Variants in RGS6 observed in about 807,000 individuals in gnomAD.
RGS6 encodes the protein regulator of G-protein signaling 6.
Under a neutral mutation model 78.5 loss-of-function variants are expected in RGS6, and 30 were observed. That is an observed-to-expected ratio of 0.38 (90% CI 0.29 to 0.52). The LOEUF is 0.52. Ranked by LOEUF, RGS6 falls within the 20% of genes least tolerant of loss-of-function variation. RGS6 has a pLI of 0.85. For synonymous variants in RGS6, 206 were observed against 206.0 expected (o/e 1.00, Z 0.00); for missense variants, 495 against 609.7 (o/e 0.81, Z 1.98).
At chr14:71,918,068 C>A in the RGS6 span, among the ~76,000 whole-genome samples, 34 of 151,622 alleles carry the variant, frequency 2.2e-4, no homozygotes, top group Non-Finnish European at 4.6e-4. Flanking sequence ...GTAGTCCCAG[C>A]TACTCGGGAG....
At chr14:71,886,760 G>T in the RGS6 span, among the ~76,000 whole-genome samples, 2 of 152,204 alleles carry the variant, frequency 1.3e-5, no homozygotes, top group Non-Finnish European at 2.9e-5. Flanking sequence ...AGTTTTGAAA[G>T]AAATCCAGGG....
At chr14:71,949,862 T>A (rs2092100716) in intron 1 of RGS6, among the ~76,000 whole-genome samples, 1 of 151,850 alleles carries the variant, frequency 6.6e-6, no homozygotes, top group Admixed American at 6.6e-5. Flanking sequence ...TGTGGTGTGA[T>A]AAAGGCATCC....
chr14:72,121,797 T>C (rs1242006118), intron 2 of RGS6, among the ~76,000 whole-genome samples: 1 of 152,164 alleles, frequency 6.6e-6, no homozygotes, highest in Non-Finnish European at 1.5e-5. Context: ...TGAGGATCTT[T>C]CAAGGACTGG....
At chr14:71,971,124 C>T (rs1325595672) in intron 2 of RGS6, among the ~76,000 whole-genome samples, 1 of 152,140 alleles carries the variant, frequency 6.6e-6, no homozygotes, top group Non-Finnish European at 1.5e-5. Context: ...ACCTTATGTA[C>T]CATGCCAAGG....
chr14:72,379,256 T>C lies in RGS6; in HGVS notation c.184+27062T>C, dbSNP rs2085455229. On this transcript the variant is annotated intron_variant, in intron 3 of 17. Transcript: ENST00000553525. Reference sequence around the variant, plus strand: ...GAATGGGGAAATCTTTAAAGCTTTTTCACTAAGAACTGGAAAAAGACAAGG... The same window carrying C: ...GAATGGGGAAATCTTTAAAGCTTTTCCACTAAGAACTGGAAAAAGACAAGG... 1.3e-5 allele frequency among the ~76,000 whole-genome samples: 2 copies of C among 152,040 alleles called. 1 individual carries two copies. The highest frequency in any genetic ancestry group is 4.1e-4 in the South Asian group (2 of 4,820).
chr14:71,945,249 T>G (rs2091333132), intron 1 of RGS6, among the ~76,000 whole-genome samples: 2 of 152,244 alleles, frequency 1.3e-5, no homozygotes, highest in African/African-American at 4.8e-5. Flanking sequence ...TTGCATTATA[T>G]GTACTTATAT....
At chr14:72,071,103 A>G (rs2094393224) in intron 2 of RGS6, among the ~76,000 whole-genome samples, 1 of 152,122 alleles carries the variant, frequency 6.6e-6, no homozygotes, top group African/African-American at 2.4e-5. Context: ...CTATGTATGT[A>G]TCAATAAACA....
intron 2 of RGS6, among the ~76,000 whole-genome samples, chr14:72,054,233 A>G (rs1186666362): frequency 1.3e-5 from 2 of 151,380 alleles, no homozygotes; most frequent in Admixed American, 6.6e-5. Context: ...TAAATTATAC[A>G]TTGGATTTTG....
At position 71,968,596 on chromosome 14, in the gene RGS6, G is replaced by A. The variant is rs376499971; in HGVS notation, c.84+3721G>A. Among the ~76,000 whole-genome samples the A allele has an allele frequency of 4.6e-5, 7 of 152,266 alleles. 1 individual carries two copies. The highest frequency in any genetic ancestry group is 1.7e-4 in the African/African-American group (7 of 41,554). Reference sequence around the variant, plus strand: ...TGAGTAACTTGATTAAGGCTCCTCAGCACTTTCCCATGGAAGCCATAATGG... The same window carrying A: ...TGAGTAACTTGATTAAGGCTCCTCAACACTTTCCCATGGAAGCCATAATGG... On this transcript the variant is annotated intron_variant, in intron 2 of 17. Coordinates refer to ENST00000553525, the MANE Select transcript of RGS6 (RefSeq NM_001204424.2).
intron 2 of RGS6, among the ~76,000 whole-genome samples, chr14:72,090,825 C>A (rs1312976312): frequency 6.6e-6 from 1 of 152,084 alleles, no homozygotes; most frequent in Non-Finnish European, 1.5e-5. Context: ...CAGTGGTGTC[C>A]TTGAAGTCAG....
chr14:72,021,009 C>T (rs755897512), intron 2 of RGS6, among the ~76,000 whole-genome samples: 3 of 152,186 alleles, frequency 2.0e-5, no homozygotes, highest in Non-Finnish European at 2.9e-5. Context: ...GCCCAGTTTG[C>T]TTCCAATTTC....
chr14:71,996,116 A>G (rs1339505693), intron 2 of RGS6, among the ~76,000 whole-genome samples: 2 of 151,216 alleles, frequency 1.3e-5, no homozygotes, highest in Non-Finnish European at 2.9e-5. Flanking sequence ...GTAGCTTAAC[A>G]TGAAATCCAG....
intron 3 of RGS6, among the ~76,000 whole-genome samples, chr14:72,382,840 T>A (rs1371307631): frequency 1.3e-5 from 2 of 152,146 alleles, no homozygotes; most frequent in Non-Finnish European, 2.9e-5. Flanking sequence ...CCCAATTATG[T>A]AAAGTTTAAA....
Position 72,504,921 on chromosome 14 carries a change from A to ATTTTT in RGS6, c.966-5209_966-5205dup, listed in dbSNP as rs34953560. 1.1e-3 allele frequency among the ~76,000 whole-genome samples: 82 copies of ATTTTT among 76,060 alleles called. 2 individuals are homozygous for ATTTTT. Among genetic ancestry groups the ATTTTT allele is most frequent in the African/African-American group, 3.9e-3 (76 of 19,480 alleles). The allele number at this position is 76,060 out of a possible 152,430, so 49.9% of individuals were successfully genotyped here. A position where few individuals can be genotyped will look rare whatever the true frequency, so the allele number is the denominator to read the frequency against. On this transcript the variant is annotated intron_variant, in intron 13 of 17. Transcript: ENST00000553525. ...AGGTGCCCACCACCACGCCCAGCTAATTTTTTTTTTTTTTTTTTTTTTTTT... is the reference window on the plus strand; with the variant it reads ...AGGTGCCCACCACCACGCCCAGCTAATTTTTTTTTTTTTTTTTTTTTTTTTTTTTT...
chr14:72,440,930 G>A (rs548632471), intron 3 of RGS6, among the ~76,000 whole-genome samples: 22 of 151,532 alleles, frequency 1.5e-4, no homozygotes, highest in African/African-American at 3.4e-4. Context: ...GTGTGAATAT[G>A]TGTGAGCGTT....
At chr14:72,351,061 G>A (rs2079030736) in intron 2 of RGS6, among the ~76,000 whole-genome samples, 1 of 152,112 alleles carries the variant, frequency 6.6e-6, no homozygotes, top group Non-Finnish European at 1.5e-5. Context: ...ATCATAGTAT[G>A]TTAGAATAAG....
At chr14:72,374,633 TA>T (rs2084253061) in intron 3 of RGS6, among the ~76,000 whole-genome samples, 1 of 152,044 alleles carries the variant, frequency 6.6e-6, no homozygotes, top group African/African-American at 2.4e-5. Flanking sequence ...AATTTCCAGA[TA>T]AAAACAAAAG....
downstream of RGS6, among the ~76,000 whole-genome samples, chr14:72,567,436 C>A (rs530817732): frequency 9.2e-5 from 14 of 152,348 alleles, no homozygotes; most frequent in Non-Finnish European, 1.3e-4. Context: ...GCTTATCGGG[C>A]TGTTGCTGTG....
At chr14:72,349,352 A>G (rs2152726004) in intron 2 of RGS6, among the ~76,000 whole-genome samples, 1 of 152,244 alleles carries the variant, frequency 6.6e-6, no homozygotes, top group South Asian at 2.1e-4. Context: ...AAGAGAAGGG[A>G]GTAACTACAG....
Sources: gnomAD v4.1 joint callset for allele counts (sites outside exome capture counted in the v4.1 genomes callset) on GRCh38, gnomAD v4.1.1 for gene constraint, MANE v1.5 for transcripts, NCBI Gene and HGNC (gene_info 2026-07-23, HGNC 2026-07-21) for gene names.